The following CNTNAP5 variants were observed in gnomAD, a reference collection of about 807,000 sequenced individuals.
CNTNAP5 encodes the protein contactin-associated protein-like 5.
Under a neutral mutation model 150.2 loss-of-function variants are expected in CNTNAP5, and 72 were observed. The observed-to-expected ratio is 0.48, with a 90% CI of 0.40 to 0.58. The LOEUF is 0.58. CNTNAP5 is among the 20% of genes least tolerant of loss of function. CNTNAP5 has a pLI of 0.00. For synonymous variants in CNTNAP5, 672 were observed against 619.8 expected (o/e 1.08, Z -1.25); for missense variants, 1,636 against 1,626.2 (o/e 1.01, Z -0.10).
At chr2:124,383,079 C>T (rs987074319) in intron 3 of CNTNAP5, among the ~76,000 whole-genome samples, 2 of 152,158 alleles carry the variant, frequency 1.3e-5, no homozygotes, top group Non-Finnish European at 2.9e-5. Flanking sequence ...CTCCAGGTGT[C>T]CCAGCTCCAG....
chr2:124,832,118 C>G (rs1395314404), intron 19 of CNTNAP5, among the ~76,000 whole-genome samples: 1 of 152,034 alleles, frequency 6.6e-6, no homozygotes, highest in Non-Finnish European at 1.5e-5. Flanking sequence ...CTTAAAATAT[C>G]TAGCAGAGGC....
At chr2:124,346,271 TAAGACTAGTATTCGTTC>T (rs1689734924) in intron 3 of CNTNAP5, among the ~76,000 whole-genome samples, 1 of 152,176 alleles carries the variant, frequency 6.6e-6, no homozygotes, top group East Asian at 1.9e-4. Context: ...AGTGATGAAA[TAAGACTAGTATTCGTTC>T]AAGGTCATTA....
intron 11 of CNTNAP5, among the ~76,000 whole-genome samples, chr2:124,604,395 G>T (rs1416508959): frequency 6.6e-6 from 1 of 152,068 alleles, no homozygotes; most frequent in Non-Finnish European, 1.5e-5. Flanking sequence ...CATCCTACTA[G>T]TCAAACTACT....
chr2:124,707,139 AGGAAGAAG>A (rs1558743734), intron 13 of CNTNAP5, among the ~76,000 whole-genome samples: 11 of 59,214 alleles, frequency 1.9e-4, no homozygotes, highest in Admixed American at 3.5e-4. Context: ...GAAGAAGAAG[AGGAAGAAG>A]AAGAAGAAGA....
At chr2:124,613,496 T>C (rs1184962428) in intron 12 of CNTNAP5, among the ~76,000 whole-genome samples, 1 of 152,200 alleles carries the variant, frequency 6.6e-6, no homozygotes, top group Non-Finnish European at 1.5e-5. Context: ...TTGAGAATTC[T>C]CTGAGCTTTT....
chr2:124,306,414 A>G (rs996998279), intron 3 of CNTNAP5, among the ~76,000 whole-genome samples: 1 of 152,124 alleles, frequency 6.6e-6, no homozygotes, highest in South Asian at 2.1e-4. Context: ...TTCCCCCCCA[A>G]ATAAGTCTAT....
At position 124,860,488 on chromosome 2, in the gene CNTNAP5, CTTCCTTCCTTCCTTCT is replaced by C. The variant is rs1558803906; in HGVS notation, c.3218-4802_3218-4787del. On this transcript the variant is annotated intron_variant, in intron 19 of 23. Coordinates refer to ENST00000682447, the MANE Select transcript of CNTNAP5 (RefSeq NM_001367498.1). ...CCTTCCTTCCTTCCTTCCTTCCTTC[CTTCCTTCCTTCCTTCT>C]TTCCTTCCTTCCTTCCTTCCTTCCT... Among the ~76,000 whole-genome samples the C allele has an allele frequency of 1.1e-3, 95 of 86,586 alleles. 2 individuals are homozygous for C. Among genetic ancestry groups the C allele is most frequent in the Admixed American group, 5.6e-3 (45 of 8,046 alleles). The allele number at this position is 86,586 out of a possible 152,430, so 56.8% of individuals were successfully genotyped here. A position where few individuals can be genotyped will look rare whatever the true frequency, so the allele number is the denominator to read the frequency against.
chr2:124,731,923 A>T (rs921486528), intron 13 of CNTNAP5, among the ~76,000 whole-genome samples: 2 of 151,850 alleles, frequency 1.3e-5, no homozygotes, highest in East Asian at 1.9e-4. Flanking sequence ...GGGTAAGACA[A>T]TTCAAGAGTT....
chr2:124,557,589 T>C (rs1478017960), intron 10 of CNTNAP5, among the ~76,000 whole-genome samples: 1 of 152,068 alleles, frequency 6.6e-6, no homozygotes, highest in Non-Finnish European at 1.5e-5. Flanking sequence ...CAAGCAGCGC[T>C]CTTATGGAGC....
At chr2:124,063,224 C>T (rs1682060867) in intron 1 of CNTNAP5, among the ~76,000 whole-genome samples, 1 of 151,908 alleles carries the variant, frequency 6.6e-6, no homozygotes, top group African/African-American at 2.4e-5. Context: ...ACAATCATGA[C>T]ACCTAACAAA....
At chr2:124,181,195 A>C (rs35122611) in intron 1 of CNTNAP5, among the ~76,000 whole-genome samples, 31,359 of 152,064 alleles carry the variant, frequency 0.21, 3,408 homozygotes, top group African/African-American at 0.24. Flanking sequence ...ATAAAATGTT[A>C]GATATTTATT....
intron 3 of CNTNAP5, among the ~76,000 whole-genome samples, chr2:124,363,657 T>C (rs1690281652): frequency 6.6e-6 from 1 of 152,198 alleles, no homozygotes. Flanking sequence ...AATACTGTAT[T>C]GTGCACTTAC....
chr2:124,339,185 G>T (rs1291769523), intron 3 of CNTNAP5, among the ~76,000 whole-genome samples: 1 of 152,120 alleles, frequency 6.6e-6, no homozygotes, highest in East Asian at 1.9e-4. Context: ...GACAAGCATT[G>T]CTTAGCTAGA....
At chr2:124,459,028 A>G (rs1194460614) in intron 6 of CNTNAP5, among the ~76,000 whole-genome samples, 1 of 152,250 alleles carries the variant, frequency 6.6e-6, no homozygotes, top group Non-Finnish European at 1.5e-5. Context: ...ATGCTCTTCA[A>G]CCCAATAATT....
intron 19 of CNTNAP5, among the ~76,000 whole-genome samples, chr2:124,819,846 C>T (rs2104667830): frequency 6.6e-6 from 1 of 152,298 alleles, no homozygotes; most frequent in Admixed American, 6.5e-5. Context: ...TCAGGCTTTC[C>T]CATCAGCTGC....
At chr2:124,450,917 G>A (rs1474939265) in intron 6 of CNTNAP5, among the ~76,000 whole-genome samples, 1 of 149,182 alleles carries the variant, frequency 6.7e-6, no homozygotes, top group African/African-American at 2.5e-5. Flanking sequence ...TGTAGTCCCA[G>A]CTACTTGGGA....
chr2:124,352,840 C>A (rs1689906050), intron 3 of CNTNAP5, among the ~76,000 whole-genome samples: 1 of 152,148 alleles, frequency 6.6e-6, no homozygotes, highest in African/African-American at 2.4e-5. Flanking sequence ...AGCTGAAAAT[C>A]CATGAATTGA....
intron 17 of CNTNAP5, among the ~76,000 whole-genome samples, chr2:124,773,909 C>CGTGT (rs55795835): frequency 2.3e-4 from 30 of 132,106 alleles, no homozygotes; most frequent in African/African-American, 8.4e-4. Context: ...TAAGGGAGTG[C>CGTGT]GTGTGTGTGT....
At chr2:124,828,398 G>A (rs916004116) in intron 19 of CNTNAP5, among the ~76,000 whole-genome samples, 8 of 151,874 alleles carry the variant, frequency 5.3e-5, no homozygotes, top group Non-Finnish European at 8.8e-5. Context: ...GGAGAATGGC[G>A]TGAACCTAGG....
Sources: allele counts gnomAD v4.1 joint callset (sites outside exome capture counted in the v4.1 genomes callset), GRCh38; gene constraint gnomAD v4.1.1; transcripts MANE v1.5; gene names NCBI Gene and HGNC (gene_info 2026-07-23, HGNC 2026-07-21).